The following GREB1L variants were observed in gnomAD, a reference collection of about 807,000 sequenced individuals.
GREB1L encodes the protein GREB1-like protein.
In GREB1L, 17 loss-of-function variants were observed where a neutral mutation model predicts 200.8. The ratio of observed to expected loss-of-function variants is 0.08; its 90% CI spans 0.06 to 0.13. The LOEUF (loss-of-function observed/expected upper bound fraction) is 0.13, where lower values mean the gene tolerates loss of function less well. GREB1L is among the 10% of genes least tolerant of loss of function. The pLI, the probability that GREB1L is intolerant of heterozygous loss-of-function variation, is 1.00. For synonymous variants in GREB1L, 789 were observed against 893.0 expected, an observed-to-expected ratio of 0.88 and a Z score of 2.08; for missense variants, 1,657 against 2,367.7, an observed-to-expected ratio of 0.70 and a Z score of 6.23.
At chr18:21,470,985 C>A (rs1338461166) in intron 15 of GREB1L, among the ~76,000 whole-genome samples, 1 of 152,176 alleles carries the variant, frequency 6.6e-6, no homozygotes, top group Non-Finnish European at 1.5e-5. Context: ...AATCAGGTAG[C>A]TCTGATGTGC....
At chr18:21,416,835 G>A (rs1200405190) in intron 7 of GREB1L, among the ~76,000 whole-genome samples, 1 of 151,940 alleles carries the variant, frequency 6.6e-6, no homozygotes, top group African/African-American at 2.4e-5. Context: ...AGACCAGCCT[G>A]GACAACATGG....
At chr18:21,344,464 G>C (rs1425634242) in intron 1 of GREB1L, among the ~76,000 whole-genome samples, 1 of 150,746 alleles carries the variant, frequency 6.6e-6, no homozygotes, top group Non-Finnish European at 1.5e-5. Flanking sequence ...CATTTGGCTT[G>C]TTTCTCCATT....
chr18:21,291,632 G>A (rs2038451979), intron 1 of GREB1L, among the ~76,000 whole-genome samples: 1 of 152,192 alleles, frequency 6.6e-6, no homozygotes, highest in Admixed American at 6.5e-5. Flanking sequence ...CACAATGGCT[G>A]TGTATTAAAA....
intron 4 of GREB1L, among the ~76,000 whole-genome samples, chr18:21,392,205 T>C (rs2040851334): frequency 6.6e-6 from 1 of 152,214 alleles, no homozygotes; most frequent in Admixed American, 6.5e-5. Context: ...TTGAGTGCAT[T>C]GAATAAGGTA....
intron 1 of GREB1L, among the ~76,000 whole-genome samples, chr18:21,249,439 A>G (rs951286116): frequency 5.9e-5 from 9 of 152,182 alleles, no homozygotes; most frequent in South Asian, 4.1e-4. Context: ...TCTGCTTACT[A>G]GTGGTATCTG....
intron 1 of GREB1L, among the ~76,000 whole-genome samples, chr18:21,318,075 T>G (rs2038898252): frequency 7.4e-6 from 1 of 134,254 alleles, no homozygotes; most frequent in African/African-American, 2.9e-5. Context: ...GCCACTGCAC[T>G]CCAGCCTGGG....
chr18:21,473,459 C>G (rs528753733), intron 16 of GREB1L, among the ~76,000 whole-genome samples: 1 of 150,768 alleles, frequency 6.6e-6, no homozygotes, highest in Admixed American at 6.7e-5. Context: ...AATCCCAGTA[C>G]TTGGGAGGCT....
intron 7 of GREB1L, among the ~76,000 whole-genome samples, chr18:21,413,944 C>T (rs193042287): frequency 6.6e-6 from 1 of 152,110 alleles, no homozygotes; most frequent in Non-Finnish European, 1.5e-5. Context: ...CTGGTAAAAC[C>T]GACACTCTCA....
chr18:21,278,392 ATAAATAAATAAAT>A (rs1302199949), intron 1 of GREB1L, among the ~76,000 whole-genome samples: 2 of 112,664 alleles, frequency 1.8e-5, no homozygotes, highest in African/African-American at 7.5e-5. Context: ...AAAAAAAAAA[ATAAATAAATAAAT>A]AAATAAATAA....
chr18:21,433,973 G>A (rs2033345234), intron 7 of GREB1L, among the ~76,000 whole-genome samples: 1 of 151,918 alleles, frequency 6.6e-6, no homozygotes, highest in African/African-American at 2.4e-5. Flanking sequence ...TGGTTTTCTG[G>A]GCTGAATTAT....
intron 8 of GREB1L, 30 bp from the exon 9 acceptor site, chr18:21,440,239 T>A: frequency 6.5e-7 from 1 of 1,549,736 alleles, no homozygotes; most frequent in Non-Finnish European, 8.7e-7. Flanking sequence ...CAAGACTATC[T>A]CTTTTTTTTG....
At chr18:21,443,305 C>T (rs896835238) in intron 10 of GREB1L, among the ~76,000 whole-genome samples, 2 of 152,072 alleles carry the variant, frequency 1.3e-5, no homozygotes, top group Admixed American at 6.5e-5. Flanking sequence ...TGGGTTCAAG[C>T]GATTCTCCTG....
At chr18:21,291,040 A>T (rs1164812391) in intron 1 of GREB1L, among the ~76,000 whole-genome samples, 1 of 152,208 alleles carries the variant, frequency 6.6e-6, no homozygotes. Context: ...ACATAGTTCT[A>T]TATTTATTCT....
chr18:21,253,937 A>G (rs767732195), intron 1 of GREB1L, among the ~76,000 whole-genome samples: 2 of 151,242 alleles, frequency 1.3e-5, no homozygotes, highest in Non-Finnish European at 2.9e-5. Flanking sequence ...CCTGGGCTCA[A>G]AGGATCCTCC....
chr18:21,513,216 C>T (rs2146072539), intron 27 of GREB1L, among the ~76,000 whole-genome samples: 1 of 152,348 alleles, frequency 6.6e-6, no homozygotes, highest in East Asian at 1.9e-4. Context: ...GCTCCTGTCT[C>T]TTCTCTTAAT....
intron 1 of GREB1L, among the ~76,000 whole-genome samples, chr18:21,361,769 C>G (rs1197636941): frequency 6.6e-6 from 1 of 151,328 alleles, no homozygotes; most frequent in African/African-American, 2.4e-5. Context: ...TAAGAACTTT[C>G]CACAGGGATG....
intron 2 of GREB1L, among the ~76,000 whole-genome samples, chr18:21,382,985 G>A (rs1175050246): frequency 6.6e-6 from 1 of 152,130 alleles, no homozygotes; most frequent in East Asian, 1.9e-4. Context: ...TATTCAAGTT[G>A]AAAACGCTCG....
At chr18:21,464,780 A>G (rs1157787030) in intron 15 of GREB1L, among the ~76,000 whole-genome samples, 1 of 152,150 alleles carries the variant, frequency 6.6e-6, no homozygotes, top group African/African-American at 2.4e-5. Flanking sequence ...AAACTGTTCA[A>G]CCTGAGTCTG....
At chr18:21,479,134 G>A (rs998031611) in intron 17 of GREB1L, among the ~76,000 whole-genome samples, 5 of 151,870 alleles carry the variant, frequency 3.3e-5, no homozygotes, top group Non-Finnish European at 7.4e-5. Context: ...CACTCACCTC[G>A]GCCTCTCAAA....
Sources: gnomAD v4.1 joint callset for allele counts (sites outside exome capture counted in the v4.1 genomes callset) on GRCh38, gnomAD v4.1.1 for gene constraint, MANE v1.5 for transcripts, NCBI Gene and HGNC (gene_info 2026-07-23, HGNC 2026-07-21) for gene names.